The following STXBP5 variants were observed in gnomAD, a reference collection of about 807,000 sequenced individuals.
The protein encoded by STXBP5 is syntaxin-binding protein 5.
A neutral mutation model predicts 152.4 loss-of-function variants in STXBP5; 50 were observed. That is an observed-to-expected ratio of 0.33 (90% CI 0.26 to 0.42). The LOEUF (loss-of-function observed/expected upper bound fraction) is 0.42. Ranked by LOEUF, STXBP5 falls within the 10% of genes least tolerant of loss-of-function variation. The probability of loss-of-function intolerance (pLI) is 1.00; values close to 1 mark genes in which losing one functional copy is unlikely to be tolerated. For missense variants in STXBP5, 1,167 were observed against 1,388.6 expected, an observed-to-expected ratio of 0.84 and a Z score of 2.54; for synonymous variants, 492 against 494.7, an observed-to-expected ratio of 0.99 and a Z score of 0.07.
chr6:147,323,454 C>G (rs1429688719), intron 16 of STXBP5, among the ~76,000 whole-genome samples: 2 of 151,662 alleles, frequency 1.3e-5, no homozygotes, highest in East Asian at 3.9e-4. Context: ...TGCAGTGGTG[C>G]CATCTCAGCC....
At chr6:147,233,711 A>T (rs563066636) in intron 2 of STXBP5, among the ~76,000 whole-genome samples, 3 of 151,626 alleles carry the variant, frequency 2.0e-5, no homozygotes, top group Admixed American at 2.0e-4. Context: ...GTGAACGGAG[A>T]TACAGACTTT....
intron 5 of STXBP5, among the ~76,000 whole-genome samples, chr6:147,261,263 T>G (rs1432171847): frequency 6.6e-6 from 1 of 152,062 alleles, no homozygotes; most frequent in Non-Finnish European, 1.5e-5. Flanking sequence ...TTGATAAATT[T>G]TATAAATAAT....
In STXBP5 at chr6:147,364,553, ACTC is replaced by A. The variant is rs571784715; in HGVS notation, c.3081+390_3081+392del. 2.5e-3 allele frequency among the ~76,000 whole-genome samples: 383 copies of A among 152,136 alleles called. 1 individual carries two copies. The highest frequency in any genetic ancestry group is 4.1e-3 in the Non-Finnish European group (282 of 67,998). ...TTTTCGGGCAAATTTTGTAATCTCA[ACTC>A]CTATTCACAAGGATATTTACACAGA... On this transcript the variant is annotated intron_variant, in intron 25 of 27. Coordinates refer to ENST00000321680, the MANE Select transcript of STXBP5 (RefSeq NM_001127715.4).
intron 19 of STXBP5, 80 bp from the exon 20 acceptor site, chr6:147,339,099 A>T (rs1783972349): frequency 8.1e-7 from 1 of 1,229,884 alleles, no homozygotes; most frequent in Non-Finnish European, 1.1e-6. Context: ...CAGATTTTTT[A>T]TTTGTACATT....
At chr6:147,380,011 T>C (rs1785998436) in intron 26 of STXBP5, among the ~76,000 whole-genome samples, 1 of 152,122 alleles carries the variant, frequency 6.6e-6, no homozygotes, top group Admixed American at 6.6e-5. Context: ...CCACATCTCA[T>C]GTTCATGGAT....
Position 147,252,973 on chromosome 6 carries a change from A to C in STXBP5, c.432-7642A>C, listed in dbSNP as rs1015601741. Among the ~76,000 whole-genome samples, 4 of 152,146 alleles carry C rather than the reference A, an allele frequency of 2.6e-5. No individual in the cohort carries two copies. The East Asian group carries it at 7.7e-4, about 29-fold the overall frequency. On this transcript the variant is annotated intron_variant, in intron 4 of 27. Coordinates refer to ENST00000321680, the MANE Select transcript of STXBP5 (RefSeq NM_001127715.4). ...AACTCATTTTATGAGGCCAGCCATCACCCTGATACCACAACCTTTCAGAGA... is the reference window on the plus strand; with the variant it reads ...AACTCATTTTATGAGGCCAGCCATCCCCCTGATACCACAACCTTTCAGAGA...
chr6:147,211,050 C>T (rs568428156), intron 2 of STXBP5, among the ~76,000 whole-genome samples: 10 of 152,236 alleles, frequency 6.6e-5, no homozygotes, highest in Admixed American at 2.0e-4. Flanking sequence ...CAGAGGCTCA[C>T]GCCTGTAATC....
chr6:147,274,321 G>A (rs1184490171), intron 7 of STXBP5, among the ~76,000 whole-genome samples: 1 of 151,992 alleles, frequency 6.6e-6, no homozygotes, highest in Non-Finnish European at 1.5e-5. Context: ...AGTGCAATGG[G>A]GTTGGGGGAG....
At chr6:147,252,187 A>G (rs992728360) in intron 4 of STXBP5, among the ~76,000 whole-genome samples, 13 of 152,044 alleles carry the variant, frequency 8.6e-5, no homozygotes, top group African/African-American at 3.1e-4. Context: ...AAGGATCACA[A>G]CTCCTTGCCA....
In STXBP5 at chr6:147,262,344, C is replaced by A; in HGVS notation, c.621C>A (p.Asp207Glu). 2.6e-6 allele frequency: 4 copies of A among 1,551,182 alleles called. No homozygotes were observed. Among genetic ancestry groups the A allele is most frequent in the East Asian group, 2.4e-5 (1 of 42,050 alleles). Residue 207 changes from aspartate to glutamate, a missense_variant, in exon 6 of 28, where the codon GAC becomes GAA. This residue lies in a region of STXBP5 where 310 missense variants were observed against 346.1 expected (regional missense o/e 0.90). Coordinates refer to ENST00000321680, the MANE Select transcript of STXBP5 (RefSeq NM_001127715.4). ...TCCATATAAGTGATAATCCAATGGA[C>A]GAGGGAAAGGTAGAATTTTTTGTAA... ...PVVHISDNPM[D>E]EGKLLIGFES... is the part of the protein sequence containing the mutation.
intron 2 of STXBP5, among the ~76,000 whole-genome samples, chr6:147,214,654 C>T (rs1028835740): frequency 2.0e-5 from 3 of 152,096 alleles, no homozygotes; most frequent in Admixed American, 6.5e-5. Flanking sequence ...TTTTGATTTC[C>T]GCATTGCCAT....
In STXBP5 at chr6:147,364,059, A is replaced by G. The variant is rs1213732453; in HGVS notation, c.2974A>G (p.Ile992Val). ...TTACTTGCCCCTTACCAATATGCGG[A>G]TAGCCAGAACGTTCTGCTTTACCAA... ...VYYLPLTNMR[I>V]ARTFCFTNNG... Residue 992 changes from isoleucine (I) to valine (V), a missense_variant, in exon 25 of 28, where the codon ATA becomes GTA. Physicochemically the swap from Ile to Val is conservative, Grantham distance 29. Around this residue, in one of 3 missense-constraint regions of STXBP5, gnomAD observed 833 missense variants for 986.3 expected, o/e 0.84. Transcript: ENST00000321680. 4 of 1,613,956 alleles carry G rather than the reference A, an allele frequency of 2.5e-6. No individual in the cohort carries two copies. Among genetic ancestry groups the G allele is most frequent in the Non-Finnish European group, 3.4e-6 (4 of 1,180,014 alleles).
intron 2 of STXBP5, among the ~76,000 whole-genome samples, chr6:147,210,574 C>G (rs917246264): frequency 6.6e-6 from 1 of 151,990 alleles, no homozygotes; most frequent in Admixed American, 6.6e-5. Flanking sequence ...ATTTAATATC[C>G]CCGTCTCCCA....
intron 25 of STXBP5, among the ~76,000 whole-genome samples, chr6:147,371,567 C>G (rs1393129123): frequency 1.3e-5 from 2 of 152,066 alleles, no homozygotes; most frequent in African/African-American, 4.8e-5. Flanking sequence ...GTTGAAGAAG[C>G]CATTTCTTTG....
chr6:147,358,566 A>C (rs1784913716), intron 22 of STXBP5, among the ~76,000 whole-genome samples: 2 of 152,210 alleles, frequency 1.3e-5, no homozygotes, highest in Admixed American at 6.5e-5. Flanking sequence ...TGTTAAGGAC[A>C]GCAACTCCTC....
At chr6:147,287,193 CATTTTTTTTTTTT>C (rs1012533944) in intron 8 of STXBP5, among the ~76,000 whole-genome samples, 2 of 108,374 alleles carry the variant, frequency 1.8e-5, no homozygotes, top group African/African-American at 7.5e-5. Context: ...CTTAATTGTA[CATTTTTTTTTTTT>C]TTTTTTTTTT....
chr6:147,305,235 A>G (rs1315446972), intron 9 of STXBP5, among the ~76,000 whole-genome samples: 1 of 152,196 alleles, frequency 6.6e-6, no homozygotes, highest in Non-Finnish European at 1.5e-5. Context: ...TGTTTGTTTT[A>G]CAAAAGCATA....
intron 2 of STXBP5, among the ~76,000 whole-genome samples, chr6:147,213,477 T>TGCGTGCGCGCGCGCGCGCGCGCGCGC (rs1776992780): frequency 7.6e-6 from 1 of 131,278 alleles, no homozygotes; most frequent in Non-Finnish European, 1.6e-5. Context: ...TGTGTGTGTG[T>TGCGTGCGCGCGCGCGCGCGCGCGCGC]GCGCGCGCAT....
chr6:147,387,804 T>C lies in STXBP5; in HGVS notation c.*3049T>C, dbSNP rs575579679. 1.3e-5 allele frequency: 2 copies of C among 151,800 alleles called. No homozygotes were observed. The highest frequency in any genetic ancestry group is 4.8e-5 in the African/African-American group (2 of 41,506). The allele number at this position is 151,800 out of a possible 1,614,324, so 9.4% of individuals were successfully genotyped here. On this transcript the variant is annotated 3_prime_UTR_variant, in exon 28 of 28. Transcript: ENST00000321680. ...CGAAGCAATTTTTTTTTTTTTGGCT[T>C]AGAACTTCTTAATTGTAGGTTCCTC...
Sources: allele counts gnomAD v4.1 joint callset (sites outside exome capture counted in the v4.1 genomes callset), GRCh38; gene constraint gnomAD v4.1.1; regional missense constraint gnomAD v4.1.1; transcripts MANE v1.5; gene names NCBI Gene and HGNC (gene_info 2026-07-23, HGNC 2026-07-21).